The following GRIA4 variants were observed in gnomAD, a reference collection of about 807,000 sequenced individuals.
GRIA4 encodes the protein glutamate ionotropic receptor AMPA type subunit 4.
Under a neutral mutation model 104.0 loss-of-function variants are expected in GRIA4, and 34 were observed. That is an observed-to-expected ratio of 0.33 (90% CI 0.25 to 0.44). The LOEUF (loss-of-function observed/expected upper bound fraction) is 0.44. GRIA4 is among the 20% of genes least tolerant of loss of function. The pLI is 1.00. For synonymous variants in GRIA4, 386 were observed against 381.9 expected, an observed-to-expected ratio of 1.01 and a Z score of -0.13; for missense variants, 750 against 1,096.5, an observed-to-expected ratio of 0.68 and a Z score of 4.46.
rs1443964089 is a variant in GRIA4, at chr11:105,898,346, T to C, written c.804T>C (p.Asn268=). 2.5e-6 allele frequency: 4 copies of C among 1,581,670 alleles called. No homozygotes were observed. The highest frequency in any genetic ancestry group is 3.3e-5 in the Admixed American group (2 of 59,942). ...NVTGFQLVDF[N]TPMVIKLMDR... is the part of the protein sequence containing the mutation. ...CTGGATTCCAGTTGGTGGATTTTAA[T>C]ACACCTATGGTAATCAAACTAATGG... The change falls in exon 7 of 17, where the codon AAT becomes AAC. Residue 268 remains asparagine (N), a synonymous_variant. Coordinates refer to ENST00000282499, the MANE Select transcript of GRIA4 (RefSeq NM_000829.4).
chr11:105,653,571 G>C (rs1182221908), intron 3 of GRIA4, among the ~76,000 whole-genome samples: 1 of 152,162 alleles, frequency 6.6e-6, no homozygotes, highest in African/African-American at 2.4e-5. Flanking sequence ...TTGACAACAA[G>C]TAACTGAAAC....
chr11:105,627,236 G>A (rs181992500), intron 3 of GRIA4, among the ~76,000 whole-genome samples: 15 of 152,218 alleles, frequency 9.9e-5, no homozygotes, highest in Non-Finnish European at 4.4e-5. Flanking sequence ...AAAGTGTAAG[G>A]TGTATGGATG....
intron 3 of GRIA4, among the ~76,000 whole-genome samples, chr11:105,723,407 T>G (rs980017501): frequency 6.6e-5 from 10 of 152,144 alleles, no homozygotes; most frequent in African/African-American, 2.4e-4. Context: ...AATTTTATGG[T>G]TTTTTTCCAG....
chr11:105,712,633 T>C (rs575903538), intron 3 of GRIA4, among the ~76,000 whole-genome samples: 20 of 152,096 alleles, frequency 1.3e-4, no homozygotes, highest in Non-Finnish European at 2.6e-4. Context: ...TATGTTTCCT[T>C]GTTTCTTTTA....
intron 4 of GRIA4, among the ~76,000 whole-genome samples, chr11:105,796,871 G>A (rs996073398): frequency 2.0e-5 from 3 of 152,052 alleles, no homozygotes; most frequent in African/African-American, 7.2e-5. Flanking sequence ...TTGGTAATGA[G>A]AAGAAAGAAG....
chr11:105,701,338 T>C (rs942382580), intron 3 of GRIA4, among the ~76,000 whole-genome samples: 11 of 152,208 alleles, frequency 7.2e-5, no homozygotes, highest in African/African-American at 2.2e-4. Flanking sequence ...TTGACTGCAA[T>C]GAAAGTGTAT....
chr11:105,976,230 C>A (rs1858973736), intron 16 of GRIA4, among the ~76,000 whole-genome samples: 1 of 152,000 alleles, frequency 6.6e-6, no homozygotes, highest in Non-Finnish European at 1.5e-5. Context: ...AACAAAGGCA[C>A]TCCAGCCATC....
chr11:105,676,271 ACCAG>A (rs1204647094), intron 3 of GRIA4, among the ~76,000 whole-genome samples: 1 of 151,724 alleles, frequency 6.6e-6, no homozygotes, highest in South Asian at 2.1e-4. Context: ...TTTTCCAGGA[ACCAG>A]CAGCAGTTGG....
chr11:105,704,807 C>T (rs1953634403), intron 3 of GRIA4, among the ~76,000 whole-genome samples: 1 of 152,086 alleles, frequency 6.6e-6, no homozygotes, highest in Non-Finnish European at 1.5e-5. Context: ...TCTTGTATTA[C>T]ATTATTCAAC....
intron 4 of GRIA4, among the ~76,000 whole-genome samples, chr11:105,823,948 G>A (rs1188476447): frequency 6.6e-6 from 1 of 152,064 alleles, no homozygotes. Flanking sequence ...CTTATACAAA[G>A]GGAATTTGGA....
At position 105,891,649 on chromosome 11, in the gene GRIA4, G is replaced by A. The variant is rs73542815; in HGVS notation, c.726+4077G>A. On this transcript the variant is annotated intron_variant, in intron 6 of 16. Coordinates refer to ENST00000282499, the MANE Select transcript of GRIA4 (RefSeq NM_000829.4). ...AATCCTAGTCAGTGGTTACAATTAC[G>A]TCTAGAAAGCTATCCCTAAATATCC... Among the ~76,000 whole-genome samples the A allele has an allele frequency of 2.0e-3, 307 of 152,218 alleles. 2 individuals carry two copies. The highest frequency in any genetic ancestry group is 7.0e-3 in the African/African-American group (290 of 41,542).
At chr11:105,968,266 A>C (rs776287561) in intron 14 of GRIA4, among the ~76,000 whole-genome samples, 12 of 152,238 alleles carry the variant, frequency 7.9e-5, no homozygotes, top group Non-Finnish European at 1.8e-4. Flanking sequence ...TGTCATTCAC[A>C]GGACTGTAAC....
At chr11:105,685,957 T>G (rs977246262) in intron 3 of GRIA4, among the ~76,000 whole-genome samples, 3 of 151,722 alleles carry the variant, frequency 2.0e-5, no homozygotes, top group Non-Finnish European at 4.4e-5. Flanking sequence ...AAGGCAAGGA[T>G]GCGGATGTTG....
At chr11:105,705,575 C>G (rs181109534) in intron 3 of GRIA4, among the ~76,000 whole-genome samples, 47 of 152,004 alleles carry the variant, frequency 3.1e-4, no homozygotes, top group Non-Finnish European at 5.7e-4. Flanking sequence ...GATCAATACC[C>G]CAATGGAAAA....
At chr11:105,803,031 C>CT (rs1942789351) in intron 4 of GRIA4, among the ~76,000 whole-genome samples, 1 of 151,808 alleles carries the variant, frequency 6.6e-6, no homozygotes, top group African/African-American at 2.4e-5. Flanking sequence ...TAGGCAAGAC[C>CT]TTTCAACTCA....
intron 5 of GRIA4, 91 bp downstream of exon 5, chr11:105,862,299 C>A: frequency 4.2e-6 from 3 of 706,458 alleles, no homozygotes; most frequent in South Asian, 1.8e-5. Context: ...CTTCTCCCAG[C>A]TTTTAATTTG....
chr11:105,790,119 A>G (rs1314253192), intron 4 of GRIA4, among the ~76,000 whole-genome samples: 1 of 152,164 alleles, frequency 6.6e-6, no homozygotes, highest in African/African-American at 2.4e-5. Flanking sequence ...GCCAACCAAA[A>G]TCTTAGAGAA....
intron 7 of GRIA4, among the ~76,000 whole-genome samples, chr11:105,898,863 G>A (rs564038415): frequency 3.9e-5 from 6 of 152,136 alleles, no homozygotes; most frequent in African/African-American, 1.2e-4. Flanking sequence ...GAAAAATCAG[G>A]TTGTTTTCAT....
At chr11:105,697,053 C>A (rs775495649) in intron 3 of GRIA4, among the ~76,000 whole-genome samples, 2 of 152,098 alleles carry the variant, frequency 1.3e-5, no homozygotes, top group Non-Finnish European at 2.9e-5. Flanking sequence ...TGGAACCCAC[C>A]GCACCCAGCC....
Sources: allele counts gnomAD v4.1 joint callset (sites outside exome capture counted in the v4.1 genomes callset), GRCh38; gene constraint gnomAD v4.1.1; transcripts MANE v1.5; gene names NCBI Gene and HGNC (gene_info 2026-07-23, HGNC 2026-07-21).